ROBO2: variants seen among roughly 807,000 people sequenced by gnomAD.
The protein encoded by ROBO2 is roundabout homolog 2.
In ROBO2, 53 loss-of-function variants were observed where a neutral mutation model predicts 160.8. That is an observed-to-expected ratio of 0.33 (90% CI 0.26 to 0.41). The LOEUF is 0.41. Among genes scored for constraint, ROBO2 ranks in the 10% least tolerant of loss-of-function variants. The pLI is 1.00. For synonymous variants in ROBO2, 664 were observed against 611.7 expected, an observed-to-expected ratio of 1.09 and a Z score of -1.26; for missense variants, 1,577 against 1,722.4, an observed-to-expected ratio of 0.92 and a Z score of 1.49.
intron 21 of ROBO2, among the ~76,000 whole-genome samples, chr3:77,613,717 A>G (rs2094702583): frequency 6.6e-6 from 1 of 152,192 alleles, no homozygotes; most frequent in Non-Finnish European, 1.5e-5. Context: ...ATTAGATGTA[A>G]CAAAACAAGA....
At chr3:76,049,211 A>G (rs1449544127) in intron 2 of ROBO2, among the ~76,000 whole-genome samples, 1 of 150,516 alleles carries the variant, frequency 6.6e-6, no homozygotes, top group African/African-American at 2.5e-5. Flanking sequence ...TATCACAAGC[A>G]TTTTCTGTTT....
At chr3:76,823,520 T>C in intron 2 of ROBO2, among the ~76,000 whole-genome samples, 1 of 152,182 alleles carries the variant, frequency 6.6e-6, no homozygotes, top group East Asian at 1.9e-4. Flanking sequence ...ATATTTGGCC[T>C]GTGCTTTGTT....
chr3:76,783,292 G>C (rs2062768169), intron 2 of ROBO2, among the ~76,000 whole-genome samples: 1 of 150,796 alleles, frequency 6.6e-6, no homozygotes, highest in South Asian at 2.1e-4. Flanking sequence ...AGAGTTAAAA[G>C]TAATTTGTGC....
At chr3:76,976,904 T>G (rs1357581044) in intron 2 of ROBO2, among the ~76,000 whole-genome samples, 3 of 151,832 alleles carry the variant, frequency 2.0e-5, no homozygotes, top group Non-Finnish European at 1.5e-5. Context: ...CCTAACAAAT[T>G]ATTAAACCTG....
chr3:76,164,344 C>T (rs2072746783), intron 2 of ROBO2, among the ~76,000 whole-genome samples: 1 of 152,202 alleles, frequency 6.6e-6, no homozygotes, highest in Non-Finnish European at 1.5e-5. Context: ...TCCCATGAAT[C>T]ACAAATGTCC....
chr3:75,913,254 C>T (rs957851576), intron 1 of ROBO2, among the ~76,000 whole-genome samples: 5 of 152,146 alleles, frequency 3.3e-5, no homozygotes, highest in African/African-American at 1.2e-4. Context: ...CCTGTGATTA[C>T]TTTGGACTCA....
At chr3:76,809,670 C>T (rs1476417541) in intron 2 of ROBO2, among the ~76,000 whole-genome samples, 6 of 152,096 alleles carry the variant, frequency 3.9e-5, no homozygotes, top group Non-Finnish European at 5.9e-5. Context: ...TTAGCAAAGA[C>T]ACCTTCTAAC....
intron 2 of ROBO2, among the ~76,000 whole-genome samples, chr3:77,012,600 T>C (rs192233168): frequency 9.1e-4 from 138 of 152,292 alleles, no homozygotes; most frequent in South Asian, 1.9e-3. Flanking sequence ...CATGGATGGA[T>C]AGAAAAATAA....
intron 2 of ROBO2, among the ~76,000 whole-genome samples, chr3:77,243,074 A>G (rs1220081496): frequency 6.6e-6 from 1 of 151,542 alleles, no homozygotes; most frequent in Non-Finnish European, 1.5e-5. Context: ...ATCTTAGCCA[A>G]CTTTCTGATC....
intron 2 of ROBO2, among the ~76,000 whole-genome samples, chr3:77,115,245 G>A (rs2074083958): frequency 6.6e-6 from 1 of 152,218 alleles, no homozygotes; most frequent in South Asian, 2.1e-4. Flanking sequence ...ACACATGTAA[G>A]TAAAGTAATT....
intron 2 of ROBO2, among the ~76,000 whole-genome samples, chr3:77,327,514 G>A (rs1175195081): frequency 2.0e-5 from 3 of 152,032 alleles, no homozygotes; most frequent in African/African-American, 4.8e-5. Context: ...CTTGAAAACC[G>A]GACCCATTAT....
intron 2 of ROBO2, among the ~76,000 whole-genome samples, chr3:76,995,107 C>CG (rs2060915981): frequency 2.0e-5 from 2 of 100,274 alleles, no homozygotes; most frequent in Non-Finnish European, 2.0e-5. Flanking sequence ...CAAGACCCCC[C>CG]ACCCCCAACA....
At chr3:76,554,285 C>T (rs2083580040) in intron 2 of ROBO2, among the ~76,000 whole-genome samples, 1 of 152,130 alleles carries the variant, frequency 6.6e-6, no homozygotes, top group Admixed American at 6.5e-5. Context: ...ATACACATAT[C>T]ACAGCAAATG....
At chr3:77,172,585 A>T (rs1004233602) in intron 2 of ROBO2, among the ~76,000 whole-genome samples, 3 of 152,028 alleles carry the variant, frequency 2.0e-5, no homozygotes, top group Admixed American at 2.0e-4. Flanking sequence ...TGTTCTGTTG[A>T]GTGTTTTCAG....
chr3:76,248,132 C>T (rs1705737294), intron 2 of ROBO2, among the ~76,000 whole-genome samples: 13 of 151,882 alleles, frequency 8.6e-5, no homozygotes, highest in Admixed American at 8.5e-4. Context: ...TCAGCCATCC[C>T]ATTACTGGGT....
At chr3:76,500,110 T>C (rs1472845385) in intron 2 of ROBO2, among the ~76,000 whole-genome samples, 2 of 151,922 alleles carry the variant, frequency 1.3e-5, no homozygotes, top group Admixed American at 6.6e-5. Context: ...GTAAAAATAG[T>C]TTATTTTATT....
chr3:77,318,181 A>G (rs1281172345), intron 2 of ROBO2, among the ~76,000 whole-genome samples: 3 of 151,838 alleles, frequency 2.0e-5, no homozygotes, highest in African/African-American at 7.3e-5. Flanking sequence ...CTGAGTAGCT[A>G]GAATCACAGG....
At chr3:77,538,935 G>A (rs2092317398) in intron 6 of ROBO2, 1 of 454,550 alleles carries the variant, frequency 2.2e-6, no homozygotes, top group Admixed American at 2.4e-5. Flanking sequence ...TCTTTTTAGA[G>A]ACGGAGGCTT....
At chr3:77,473,830 C>A (rs1262055543) in intron 2 of ROBO2, among the ~76,000 whole-genome samples, 1 of 152,034 alleles carries the variant, frequency 6.6e-6, no homozygotes, top group African/African-American at 2.4e-5. Flanking sequence ...GACTTGTTTA[C>A]CCTCACTATC....
Sources: allele counts gnomAD v4.1 joint callset (sites outside exome capture counted in the v4.1 genomes callset), GRCh38; gene constraint gnomAD v4.1.1; transcripts MANE v1.5; gene names NCBI Gene and HGNC (gene_info 2026-07-23, HGNC 2026-07-21).